Variants in CRKL observed in about 807,000 individuals in gnomAD.
The protein encoded by CRKL is crk-like protein.
A neutral mutation model predicts 23.0 loss-of-function variants in CRKL; 3 were observed. The ratio of observed to expected loss-of-function variants is 0.13; its 90% CI spans 0.06 to 0.34. CRKL has a LOEUF of 0.34. Among genes scored for constraint, CRKL ranks in the 10% least tolerant of loss-of-function variants. The probability of loss-of-function intolerance (pLI) is 1.00; values close to 1 mark genes in which losing one functional copy is unlikely to be tolerated. For synonymous variants in CRKL, 188 were observed against 160.7 expected (o/e 1.17, Z -1.28); for missense variants, 256 against 394.5 (o/e 0.65, Z 2.97).
rs571304878 is a variant in CRKL at position 20,935,555 on chromosome 22, A to G, written c.777+1311A>G. ...TTTTTTTGAGACAGAGTCTCGCTCTATTGCCTTGTTGCCTAAGCTGGAGTG... is the reference window on the plus strand; with the variant it reads ...TTTTTTTGAGACAGAGTCTCGCTCTGTTGCCTTGTTGCCTAAGCTGGAGTG... On this transcript the variant is annotated intron_variant, in intron 2 of 2. Transcript: ENST00000354336. Among the ~76,000 whole-genome samples, 5 of 134,584 alleles carry G rather than the reference A, an allele frequency of 3.7e-5. No individual in the cohort carries two copies. The South Asian group carries it at 9.1e-4, about 25-fold the overall frequency. The allele number at this position is 134,584 out of a possible 152,430, so 88.3% of individuals were successfully genotyped here.
chr22:20,923,576 ATT>A (rs34489759), intron 1 of CRKL, among the ~76,000 whole-genome samples: 2,491 of 119,804 alleles, frequency 0.021, 83 homozygotes, highest in African/African-American at 0.072. Flanking sequence ...CGCGCCTGGC[ATT>A]TTTTTTTTTT....
At chr22:20,936,014 C>T (rs2147907680) in intron 2 of CRKL, among the ~76,000 whole-genome samples, 1 of 152,088 alleles carries the variant, frequency 6.6e-6, no homozygotes, top group Non-Finnish European at 1.5e-5. Flanking sequence ...CAAAAATGAG[C>T]CAGACGTGGT....
chr22:20,935,444 T>C (rs779011680), intron 2 of CRKL, among the ~76,000 whole-genome samples: 51 of 152,282 alleles, frequency 3.3e-4, no homozygotes, highest in Non-Finnish European at 5.4e-4. Flanking sequence ...ACATCAGCCC[T>C]TGCTTGTTAT....
At chr22:20,944,397 T>C (rs2147914042) in intron 2 of CRKL, among the ~76,000 whole-genome samples, 1 of 151,332 alleles carries the variant, frequency 6.6e-6, no homozygotes, top group Non-Finnish European at 1.5e-5. Context: ...CATGGTTAAA[T>C]TATTCTCGTT....
intron 1 of CRKL, among the ~76,000 whole-genome samples, chr22:20,932,624 A>G (rs1921496314): frequency 6.6e-6 from 1 of 152,076 alleles, no homozygotes; most frequent in African/African-American, 2.4e-5. Context: ...TAAACCAGGT[A>G]TCTCTGTGTA....
At chr22:20,947,427 G>A (rs986385100) in intron 2 of CRKL, among the ~76,000 whole-genome samples, 1 of 151,084 alleles carries the variant, frequency 6.6e-6, no homozygotes, top group African/African-American at 2.4e-5. Flanking sequence ...CCACCTCCCA[G>A]GTTCAAGTGA....
In CRKL at chr22:20,919,858, A is replaced by G. The variant is rs369959502; in HGVS notation, c.311+1613A>G. ...TAGAGATAGAAAAAAAAAAGCCATGACAGTATAATGACTACAAGATTAACT... is the reference window on the plus strand; with the variant it reads ...TAGAGATAGAAAAAAAAAAGCCATGGCAGTATAATGACTACAAGATTAACT... On this transcript the variant is annotated intron_variant, in intron 1 of 2. Coordinates refer to ENST00000354336, the MANE Select transcript of CRKL (RefSeq NM_005207.4). Among the ~76,000 whole-genome samples, 203 of 152,262 alleles carry G rather than the reference A, an allele frequency of 1.3e-3. 5 individuals are homozygous for G. The South Asian group carries it at 0.037, about 28-fold the overall frequency.
chr22:20,918,875 C>T (rs1929787882), intron 1 of CRKL, among the ~76,000 whole-genome samples: 1 of 152,138 alleles, frequency 6.6e-6, no homozygotes, highest in Admixed American at 6.6e-5. Flanking sequence ...CAGGCGTGAG[C>T]CACCACACCC....
intron 1 of CRKL, among the ~76,000 whole-genome samples, chr22:20,918,949 A>ACCCCACCCCCAC (rs1206123678): frequency 2.6e-3 from 292 of 111,586 alleles, no homozygotes; most frequent in Non-Finnish European, 4.5e-3. Flanking sequence ...AGCACTCACC[A>ACCCCACCCCCAC]CCCCACCCCC....
intron 1 of CRKL, among the ~76,000 whole-genome samples, chr22:20,928,711 G>A (rs528828626): frequency 6.6e-6 from 1 of 150,982 alleles, no homozygotes; most frequent in African/African-American, 2.4e-5. Context: ...TACACAGAAG[G>A]CTGAGGTGGG....
Position 20,949,832 on chromosome 22 carries a change from A to AT in CRKL, c.900dup (p.Glu301Ter), listed in dbSNP as rs752995593. The AT allele has an allele frequency of 3.2e-5, 51 of 1,608,194 alleles. No homozygotes were observed. Among genetic ancestry groups the AT allele is most frequent in the Non-Finnish European group, 4.2e-5 (50 of 1,177,902 alleles). On this transcript the variant is annotated frameshift_variant, in exon 3 of 3. Transcript: ENST00000354336. LOFTEE classifies it high-confidence loss of function. ...AAAATCTTTGACCCTCAAAACCCAG[A>AT]TGAAAACGAGTGATTGCTGTTGCCC...
intron 1 of CRKL, 38 bp from the exon 2 acceptor site, chr22:20,933,741 A>G: frequency 6.5e-7 from 1 of 1,541,068 alleles, no homozygotes; most frequent in Non-Finnish European, 8.8e-7. Flanking sequence ...GCTTAGAGTA[A>G]GATTTTTCTC....
chr22:20,923,673 C>G lies in CRKL; in HGVS notation c.311+5428C>G, dbSNP rs187141361. On this transcript the variant is annotated intron_variant, in intron 1 of 2. Transcript: ENST00000354336. ...CACTGCAACCTCCACCTCCTAGGTT[C>G]AAGTGATTCTCCTGCCTCAGCCTCC... Among the ~76,000 whole-genome samples, 27 of 149,652 alleles carry G rather than the reference C, an allele frequency of 1.8e-4. No individual in the cohort carries two copies. The East Asian group carries it at 5.1e-3, about 28-fold the overall frequency.
Position 20,941,578 on chromosome 22 carries a change from G to GTA in CRKL, c.777+7344_777+7345dup, listed in dbSNP as rs1471823059. 3.1e-4 allele frequency among the ~76,000 whole-genome samples: 12 copies of GTA among 38,984 alleles called. 3 individuals are homozygous for GTA. Among genetic ancestry groups the GTA allele is most frequent in the Non-Finnish European group, 4.3e-5 (1 of 23,104 alleles). 25.6% of individuals were successfully genotyped at this position (38,984 alleles called of 152,430 possible). Reference sequence around the variant, plus strand: ...TGTGTGTGTGTGTGTGTGTGTGTGTGTATATATATATTTTTTTTTTTTTTT... The same window carrying GTA: ...TGTGTGTGTGTGTGTGTGTGTGTGTGTATATATATATATTTTTTTTTTTTTTT... On this transcript the variant is annotated intron_variant, in intron 2 of 2. Transcript: ENST00000354336.
At chr22:20,926,786 C>A (rs1009165760) in intron 1 of CRKL, among the ~76,000 whole-genome samples, 1 of 151,886 alleles carries the variant, frequency 6.6e-6, no homozygotes, top group African/African-American at 2.4e-5. Flanking sequence ...AGGGAGGGGA[C>A]CTGGGCATTA....
chr22:20,928,770 G>T (rs926064585), intron 1 of CRKL, among the ~76,000 whole-genome samples: 21 of 127,286 alleles, frequency 1.6e-4, no homozygotes, highest in Non-Finnish European at 3.1e-4. Flanking sequence ...CCATGATTGT[G>T]CCTCTGCACT....
intron 1 of CRKL, among the ~76,000 whole-genome samples, chr22:20,931,973 G>A (rs890691127): frequency 1.3e-5 from 2 of 151,882 alleles, no homozygotes; most frequent in Non-Finnish European, 1.5e-5. Flanking sequence ...CACCATGCCC[G>A]GCTAATTTTT....
intron 1 of CRKL, among the ~76,000 whole-genome samples, chr22:20,919,303 G>C (rs1406166623): frequency 6.6e-6 from 1 of 152,126 alleles, no homozygotes; most frequent in African/African-American, 2.4e-5. Flanking sequence ...AGGACCATTA[G>C]TAGGCCAGAG....
In CRKL at chr22:20,933,788, C is replaced by T. The variant is rs767466740; in HGVS notation, c.321C>T (p.Ser107=). 1 of 1,611,286 alleles carries T rather than the reference C, an allele frequency of 6.2e-7. No individual in the cohort carries two copies. The highest frequency in any genetic ancestry group is 1.7e-5 in the Admixed American group (1 of 59,812). The change falls in exon 2 of 3, where the codon AGC becomes AGT. Residue 107 remains serine (S), a synonymous_variant. Transcript: ENST00000354336. ...TTCTTTCTCTCTTAAGGTATCCAAG[C>T]CCACCAATGGGATCTGTCTCAGCAC... ...TLIEPAPRYP[S]PPMGSVSAPN...
Sources: gnomAD v4.1 joint callset for allele counts (sites outside exome capture counted in the v4.1 genomes callset) on GRCh38, gnomAD v4.1.1 for gene constraint, MANE v1.5 for transcripts, NCBI Gene and HGNC (gene_info 2026-07-23, HGNC 2026-07-21) for gene names.